The following ACOT12 variants were observed in gnomAD, a reference collection of about 807,000 sequenced individuals.
ACOT12 encodes the protein acyl-CoA thioesterase 12, also known as acetyl-coenzyme A thioesterase.
ACOT12 carries 51 observed loss-of-function variants against 67.7 expected under a neutral mutation model. That is an observed-to-expected ratio of 0.75 (90% CI 0.60 to 0.95). The LOEUF is 0.95. Among genes scored for constraint, ACOT12 ranks in the 40% least tolerant of loss-of-function variants. ACOT12 has a pLI of 0.00. For synonymous variants in ACOT12, 251 were observed against 244.6 expected (o/e 1.03, Z -0.24); for missense variants, 734 against 708.1 (o/e 1.04, Z -0.41).
At chr5:81,375,071 A>C (rs2153856852) in intron 2 of ACOT12, among the ~76,000 whole-genome samples, 1 of 152,324 alleles carries the variant, frequency 6.6e-6, no homozygotes, top group South Asian at 2.1e-4. Flanking sequence ...GAAGGAAAAA[A>C]TGTTAAGGGC....
the ACOT12 span, among the ~76,000 whole-genome samples, chr5:81,322,778 G>A: frequency 2.6e-5 from 4 of 152,148 alleles, no homozygotes; most frequent in African/African-American, 7.2e-5. Flanking sequence ...GCAGAAGCAG[G>A]CACCTTCTTC....
downstream of ACOT12, among the ~76,000 whole-genome samples, chr5:81,329,195 A>G (rs989264282): frequency 1.3e-5 from 2 of 152,232 alleles, no homozygotes; most frequent in Admixed American, 6.5e-5. Flanking sequence ...GGCTAGGCAG[A>G]CAGCATTTGG....
downstream of ACOT12, among the ~76,000 whole-genome samples, chr5:81,327,919 GACTGCTGATGA>G (rs1001364468): frequency 6.6e-6 from 1 of 152,172 alleles, no homozygotes. Context: ...CCAGGGGGCT[GACTGCTGATGA>G]ACTAACTTAG....
At chr5:81,334,441 A>T (rs986516587) in intron 12 of ACOT12, among the ~76,000 whole-genome samples, 11 of 152,200 alleles carry the variant, frequency 7.2e-5, no homozygotes, top group African/African-American at 2.7e-4. Context: ...AAGCGTCTGC[A>T]TGATCCCTCT....
chr5:81,331,987 T>C (rs1390502605), intron 13 of ACOT12, among the ~76,000 whole-genome samples: 1 of 152,194 alleles, frequency 6.6e-6, no homozygotes, highest in African/African-American at 2.4e-5. Context: ...TTAATACTCA[T>C]ATGTGTGTGG....
intron 3 of ACOT12, among the ~76,000 whole-genome samples, chr5:81,364,575 G>A (rs763620740): frequency 1.3e-5 from 2 of 151,870 alleles, no homozygotes; most frequent in Non-Finnish European, 2.9e-5. Context: ...CTACAGGCAC[G>A]CAGCACTACA....
the ACOT12 span, among the ~76,000 whole-genome samples, chr5:81,316,856 T>A: frequency 2.0e-5 from 3 of 152,262 alleles, no homozygotes; most frequent in African/African-American, 7.2e-5. Flanking sequence ...TTATATGATC[T>A]CTGCAGAAAA....
intron 5 of ACOT12, among the ~76,000 whole-genome samples, chr5:81,356,202 A>G (rs896074676): frequency 6.6e-6 from 1 of 152,188 alleles, no homozygotes; most frequent in Non-Finnish European, 1.5e-5. Flanking sequence ...TGTCTCCCAC[A>G]CTTCTTCTAA....
intron 11 of ACOT12, among the ~76,000 whole-genome samples, chr5:81,339,571 T>A (rs528725761): frequency 9.2e-5 from 14 of 152,216 alleles, no homozygotes; most frequent in African/African-American, 2.9e-4. Flanking sequence ...TTCAAGGAGG[T>A]AAGAATGGCC....
chr5:81,344,282 C>A (rs758231749), intron 8 of ACOT12, 67 bp from the exon 9 acceptor site: 28 of 1,461,674 alleles, frequency 1.9e-5, no homozygotes, highest in Non-Finnish European at 2.5e-5. Flanking sequence ...GTGCTATAAT[C>A]CTTAAGTATC....
At chr5:81,318,716 T>C in the ACOT12 span, among the ~76,000 whole-genome samples, 1 of 152,324 alleles carries the variant, frequency 6.6e-6, no homozygotes, top group South Asian at 2.1e-4. Context: ...CCTTTTAAGT[T>C]TTTACCTAGC....
rs188481589 is a variant in ACOT12 at position 81,375,674 on chromosome 5, A to G, written c.198-3864T>C. Among the ~76,000 whole-genome samples the G allele has an allele frequency of 3.1e-3, 476 of 152,284 alleles. 3 individuals are homozygous for G. Among genetic ancestry groups the G allele is most frequent in the African/African-American group, 0.01 (427 of 41,556 alleles). Reference sequence around the variant, plus strand: ...CAAGCAAATGGAAAGAAAAAAAAAAAAGCAGGGGTTGCATCCTAGTTTCTG... The same window carrying G: ...CAAGCAAATGGAAAGAAAAAAAAAAGAGCAGGGGTTGCATCCTAGTTTCTG... On this transcript the variant is annotated intron_variant, in intron 2 of 14. Coordinates refer to ENST00000307624, the MANE Select transcript of ACOT12 (RefSeq NM_130767.3).
the ACOT12 span, among the ~76,000 whole-genome samples, chr5:81,321,045 C>T: frequency 6.6e-6 from 1 of 152,092 alleles, no homozygotes; most frequent in Non-Finnish European, 1.5e-5. Flanking sequence ...CGCTTGAATC[C>T]AGCAGCTCAA....
chr5:81,365,859 A>T (rs1251670786), intron 3 of ACOT12, among the ~76,000 whole-genome samples: 1 of 152,188 alleles, frequency 6.6e-6, no homozygotes, highest in Non-Finnish European at 1.5e-5. Context: ...TTTGTGGGTT[A>T]GAGTACCAGA....
At chr5:81,385,873 A>C (rs762034707) in intron 1 of ACOT12, 47 bp from the exon 2 acceptor site, 1 of 1,543,332 alleles carries the variant, frequency 6.5e-7, no homozygotes, top group South Asian at 1.1e-5. Context: ...TGATATGAGA[A>C]TATTTCAGTA....
the ACOT12 span, among the ~76,000 whole-genome samples, chr5:81,320,046 G>A: frequency 6.6e-6 from 1 of 152,074 alleles, no homozygotes; most frequent in African/African-American, 2.4e-5. Flanking sequence ...AGAGAGAAAT[G>A]GACATAAATT....
At chr5:81,387,065 G>A (rs898218080) in intron 1 of ACOT12, among the ~76,000 whole-genome samples, 2 of 147,370 alleles carry the variant, frequency 1.4e-5, no homozygotes, top group Admixed American at 6.9e-5. Flanking sequence ...GAGTGCAATG[G>A]TGTGATCTTG....
rs1159434342 is a variant in ACOT12 at position 81,350,768 on chromosome 5, A to AAT, written c.497-2840_497-2839dup. ...TGTGATTGAATTCTGAAAGGGAGAG[A>AAT]ATTTTTTTTCCCATTCCACCTAAGG... is the stretch of plus-strand genomic sequence containing the variant. On this transcript the variant is annotated intron_variant, in intron 5 of 14. Coordinates refer to ENST00000307624, the MANE Select transcript of ACOT12 (RefSeq NM_130767.3). 7.9e-5 allele frequency among the ~76,000 whole-genome samples: 12 copies of AAT among 152,172 alleles called. No individual in the cohort carries two copies. The South Asian group carries it at 2.5e-3, about 32-fold the overall frequency.
chr5:81,310,157 T>TAAA, the ACOT12 span, among the ~76,000 whole-genome samples: 23 of 104,758 alleles, frequency 2.2e-4, 1 homozygote, highest in African/African-American at 8.5e-4. Flanking sequence ...TGACTAGCTG[T>TAAA]AAAAAAAAAA....
Sources: allele counts gnomAD v4.1 joint callset (sites outside exome capture counted in the v4.1 genomes callset), GRCh38; gene constraint gnomAD v4.1.1; transcripts MANE v1.5; gene names NCBI Gene and HGNC (gene_info 2026-07-23, HGNC 2026-07-21).